Variants in SPAG16 observed in about 807,000 individuals in gnomAD.
The protein encoded by SPAG16 is sperm associated antigen 16.
SPAG16 carries 86 observed loss-of-function variants against 80.4 expected under a neutral mutation model. That is an observed-to-expected ratio of 1.07 (90% CI 0.90 to 1.28). The LOEUF (loss-of-function observed/expected upper bound fraction) is 1.28. SPAG16 is among the 50% of genes most tolerant of loss of function. The pLI is 0.00. For missense variants in SPAG16, 870 were observed against 765.3 expected (o/e 1.14, Z -1.61); for synonymous variants, 294 against 265.9 (o/e 1.11, Z -1.03).
At chr2:214,082,843 T>A (rs190640492) in intron 13 of SPAG16, among the ~76,000 whole-genome samples, 157 of 152,310 alleles carry the variant, frequency 1.0e-3, no homozygotes, top group Non-Finnish European at 1.9e-3. Flanking sequence ...TTCTTCACTT[T>A]CAATGTTAAG....
chr2:213,641,472 C>T (rs1175165143), intron 10 of SPAG16, among the ~76,000 whole-genome samples: 3 of 152,228 alleles, frequency 2.0e-5, no homozygotes. Context: ...AATTCACTCT[C>T]TCTTGAATTT....
chr2:213,676,458 G>A (rs1489653572), intron 10 of SPAG16, among the ~76,000 whole-genome samples: 7 of 149,866 alleles, frequency 4.7e-5, no homozygotes, highest in African/African-American at 1.7e-4. Context: ...CCTGTCTTGT[G>A]CCAGTTTTCA....
chr2:213,532,395 C>A (rs1228764606), intron 10 of SPAG16, among the ~76,000 whole-genome samples: 1 of 151,516 alleles, frequency 6.6e-6, no homozygotes, highest in Non-Finnish European at 1.5e-5. Context: ...CGCTTCAAGG[C>A]AATTGACATT....
chr2:213,936,255 A>G (rs1559607160), intron 12 of SPAG16, among the ~76,000 whole-genome samples: 1 of 152,170 alleles, frequency 6.6e-6, no homozygotes, highest in Non-Finnish European at 1.5e-5. Flanking sequence ...TGAGCAGATG[A>G]GAGAATGGTA....
At chr2:213,670,371 TTTA>T (rs2063773328) in intron 10 of SPAG16, among the ~76,000 whole-genome samples, 1 of 152,150 alleles carries the variant, frequency 6.6e-6, no homozygotes, top group African/African-American at 2.4e-5. Flanking sequence ...ACAGCAATAA[TTTA>T]TTATTAATAT....
At chr2:214,167,856 G>A (rs11895074) in intron 15 of SPAG16, among the ~76,000 whole-genome samples, 123,413 of 151,016 alleles carry the variant, frequency 0.82, 51,780 homozygotes, top group East Asian at 0.97. Context: ...GAACAGTTAG[G>A]AACCAAGGTC....
chr2:213,480,286 G>T (rs1387915262), intron 9 of SPAG16, among the ~76,000 whole-genome samples: 1 of 152,150 alleles, frequency 6.6e-6, no homozygotes, highest in Non-Finnish European at 1.5e-5. Context: ...TGCATTTATA[G>T]CTGGGCATGT....
chr2:213,964,221 C>T (rs72934009), intron 12 of SPAG16, among the ~76,000 whole-genome samples: 20,918 of 151,976 alleles, frequency 0.14, 1,923 homozygotes, highest in Non-Finnish European at 0.2. Flanking sequence ...GTAGTATATG[C>T]ATACTATTTT....
At chr2:213,321,022 G>GA (rs1382973149) in intron 5 of SPAG16, among the ~76,000 whole-genome samples, 4 of 151,974 alleles carry the variant, frequency 2.6e-5, no homozygotes, top group African/African-American at 9.7e-5. Context: ...TCCCTATATT[G>GA]AGCTTGAGCT....
intron 10 of SPAG16, among the ~76,000 whole-genome samples, chr2:213,705,337 G>A (rs779769448): frequency 6.6e-6 from 1 of 152,158 alleles, no homozygotes; most frequent in Non-Finnish European, 1.5e-5. Flanking sequence ...CTAGTTAATT[G>A]ATTTAAAGTG....
At chr2:214,336,583 T>C (rs10498011) in intron 15 of SPAG16, among the ~76,000 whole-genome samples, 16,916 of 152,110 alleles carry the variant, frequency 0.11, 1,097 homozygotes, top group Middle Eastern at 0.2. Flanking sequence ...GTATTACAAC[T>C]TAAGGCATTT....
At chr2:213,434,041 C>T (rs965343882) in intron 9 of SPAG16, among the ~76,000 whole-genome samples, 2 of 150,970 alleles carry the variant, frequency 1.3e-5, no homozygotes, top group Non-Finnish European at 2.9e-5. Flanking sequence ...CTGCCCTAGC[C>T]TCCTGAGTAG....
chr2:214,164,220 T>C (rs1042212213), intron 15 of SPAG16, among the ~76,000 whole-genome samples: 2 of 152,116 alleles, frequency 1.3e-5, no homozygotes, highest in Non-Finnish European at 2.9e-5. Flanking sequence ...GTTCAGTGAA[T>C]GGGAGGTGGA....
chr2:214,178,902 G>A (rs537381653), intron 15 of SPAG16, among the ~76,000 whole-genome samples: 16 of 151,062 alleles, frequency 1.1e-4, no homozygotes, highest in South Asian at 6.3e-4. Flanking sequence ...TATATATAGC[G>A]TGTAAATAAA....
chr2:213,415,699 G>A (rs1039984841), intron 9 of SPAG16, among the ~76,000 whole-genome samples: 4 of 151,990 alleles, frequency 2.6e-5, no homozygotes, highest in African/African-American at 9.7e-5. Flanking sequence ...ATGAGGGGAA[G>A]GTTTTGGAGG....
intron 12 of SPAG16, among the ~76,000 whole-genome samples, chr2:213,948,505 C>G (rs1425861304): frequency 9.2e-5 from 14 of 152,112 alleles, no homozygotes. Flanking sequence ...CTTTAACCAC[C>G]TCCCCAATTT....
rs554692774 is a variant in SPAG16 at position 214,010,909 on chromosome 2, T to G, written c.1401-3042T>G. The stretch of plus-strand genomic sequence containing the variant: ...TGGGAGGAACATAAATACGTTATTT[T>G]CCTTTTTTCACTATACTTTTTATAA... On this transcript the variant is annotated intron_variant, in intron 12 of 15. Coordinates refer to ENST00000331683, the MANE Select transcript of SPAG16 (RefSeq NM_024532.5). Among the ~76,000 whole-genome samples, 32 of 146,106 alleles carry G rather than the reference T, an allele frequency of 2.2e-4. 4 individuals are homozygous for G. Among genetic ancestry groups the G allele is most frequent in the East Asian group, 7.8e-4 (4 of 5,108 alleles).
chr2:213,854,728 A>G (rs1317576554), intron 10 of SPAG16, among the ~76,000 whole-genome samples: 1 of 152,254 alleles, frequency 6.6e-6, no homozygotes, highest in East Asian at 1.9e-4. Flanking sequence ...GAATTTATCC[A>G]AGAATGTCTA....
At chr2:213,674,989 A>G (rs1260354064) in intron 10 of SPAG16, among the ~76,000 whole-genome samples, 1 of 149,828 alleles carries the variant, frequency 6.7e-6, no homozygotes, top group Non-Finnish European at 1.5e-5. Flanking sequence ...GAACTAGTTT[A>G]CAGTCCCACC....
Sources: allele counts gnomAD v4.1 joint callset (sites outside exome capture counted in the v4.1 genomes callset), GRCh38; gene constraint gnomAD v4.1.1; transcripts MANE v1.5; gene names NCBI Gene and HGNC (gene_info 2026-07-23, HGNC 2026-07-21).